Variants in SMPD3 observed in about 807,000 individuals in gnomAD.
The protein encoded by SMPD3 is nSMase-2.
Under a neutral mutation model 55.7 loss-of-function variants are expected in SMPD3, and 21 were observed. The observed-to-expected ratio is 0.38, with a 90% CI of 0.27 to 0.54. SMPD3 has a LOEUF of 0.54. Ranked by LOEUF, SMPD3 falls within the 20% of genes least tolerant of loss-of-function variation. SMPD3 has a pLI of 0.80. For missense variants in SMPD3, 842 were observed against 899.6 expected (o/e 0.94, Z 0.82); for synonymous variants, 457 against 404.3 (o/e 1.13, Z -1.56).
intron 1 of SMPD3, among the ~76,000 whole-genome samples, chr16:68,390,185 T>C (rs1429291917): frequency 6.6e-6 from 1 of 152,208 alleles, no homozygotes; most frequent in Non-Finnish European, 1.5e-5. Flanking sequence ...TGGGAGTGTC[T>C]TTTGGCATGC....
intron 1 of SMPD3, among the ~76,000 whole-genome samples, chr16:68,437,749 C>T (rs2090534520): frequency 1.3e-5 from 2 of 152,210 alleles, no homozygotes; most frequent in Admixed American, 6.5e-5. Context: ...ATCTGTGCCC[C>T]TCTCCTTTCC....
chr16:68,366,429 A>G (rs2089479873), intron 3 of SMPD3, among the ~76,000 whole-genome samples: 1 of 152,220 alleles, frequency 6.6e-6, no homozygotes, highest in South Asian at 2.1e-4. Flanking sequence ...TCAGCCCCAC[A>G]GGTTCACCAT....
At chr16:68,365,925 G>T (rs1447942556) in intron 3 of SMPD3, among the ~76,000 whole-genome samples, 5 of 152,226 alleles carry the variant, frequency 3.3e-5, no homozygotes, top group Non-Finnish European at 5.9e-5. Context: ...GCCCTTGTCA[G>T]TGCTCAGCCC....
rs1474955280 is a variant in SMPD3 at position 68,371,693 on chromosome 16, G to C, written c.489C>G (p.Ala163=). 3 of 1,578,162 alleles carry C rather than the reference G, an allele frequency of 1.9e-6. No homozygotes were observed. The highest frequency in any genetic ancestry group is 2.6e-6 in the Non-Finnish European group (3 of 1,161,786). The change falls in exon 3 of 9, where the codon GCC becomes GCG. Residue 163 remains alanine, a synonymous_variant. Coordinates refer to ENST00000219334, the MANE Select transcript of SMPD3 (RefSeq NM_018667.4). ...EIGQRIRNGA[A]RPQIKIYIDS... ...CGATGTAAATTTTGATCTGGGGCCGGGCGGCCCCATTGCGGATTCTCTGCC... is the reference window on the plus strand; with the variant it reads ...CGATGTAAATTTTGATCTGGGGCCGCGCGGCCCCATTGCGGATTCTCTGCC...
intron 1 of SMPD3, among the ~76,000 whole-genome samples, chr16:68,423,411 G>T (rs1281925158): frequency 2.0e-5 from 3 of 152,134 alleles, no homozygotes; most frequent in Non-Finnish European, 2.9e-5. Context: ...GGTAGTTAGG[G>T]TGGGGATCCA....
intron 3 of SMPD3, among the ~76,000 whole-genome samples, chr16:68,370,627 C>T (rs1245051267): frequency 6.6e-6 from 1 of 152,198 alleles, no homozygotes; most frequent in African/African-American, 2.4e-5. Flanking sequence ...CCAGATCACC[C>T]AGATGGGTCT....
At chr16:68,392,427 T>C (rs1381673072) in intron 1 of SMPD3, among the ~76,000 whole-genome samples, 2 of 152,188 alleles carry the variant, frequency 1.3e-5, no homozygotes, top group Non-Finnish European at 2.9e-5. Flanking sequence ...GTGTATTAAA[T>C]GCATTTTCAA....
chr16:68,384,468 A>C (rs576465429), intron 2 of SMPD3, among the ~76,000 whole-genome samples: 1 of 152,312 alleles, frequency 6.6e-6, no homozygotes, highest in Admixed American at 6.5e-5. Context: ...CCAGCCCCTG[A>C]TAGATCTGAC....
intron 1 of SMPD3, among the ~76,000 whole-genome samples, chr16:68,443,586 G>A (rs1484400461): frequency 1.3e-5 from 2 of 152,038 alleles, no homozygotes; most frequent in African/African-American, 4.8e-5. Context: ...ATTTTCCACA[G>A]TGGAAAGAAA....
chr16:68,370,421 T>C (rs1336176504), intron 3 of SMPD3, among the ~76,000 whole-genome samples: 1 of 152,188 alleles, frequency 6.6e-6, no homozygotes, highest in African/African-American at 2.4e-5. Context: ...GGCTGGTCTC[T>C]CTGCCTCGTT....
chr16:68,370,995 C>T lies in SMPD3; in HGVS notation c.1187G>A (p.Gly396Asp), dbSNP rs764855869. 2 of 1,614,072 alleles carry T rather than the reference C, an allele frequency of 1.2e-6. No homozygotes were observed. The highest frequency in any genetic ancestry group is 2.2e-5 in the South Asian group (2 of 91,084). ...GTTGAGACACTTGAAGCTGCAGCAG[C>T]CCTGGCAGCCGTAGACCCCGACGTC... Reference protein sequence around the residue: ...LYDVGVYGCQGCCSFKCLNSG... With the variant: ...LYDVGVYGCQDCCSFKCLNSG... The change falls in exon 3 of 9, where the codon GGC becomes GAC. Residue 396 changes from glycine to aspartate, a missense_variant. This residue lies in a region of SMPD3 where 649 missense variants were observed against 643.6 expected (regional missense o/e 1.01). Transcript: ENST00000219334.
intron 1 of SMPD3, among the ~76,000 whole-genome samples, chr16:68,388,057 T>G (rs193294403): frequency 6.6e-6 from 1 of 152,234 alleles, no homozygotes; most frequent in Admixed American, 6.5e-5. Flanking sequence ...TCTGTAACAT[T>G]AGGGGCCACT....
intron 1 of SMPD3, among the ~76,000 whole-genome samples, chr16:68,394,885 G>T (rs910540230): frequency 3.3e-5 from 5 of 152,184 alleles, no homozygotes; most frequent in Non-Finnish European, 7.3e-5. Flanking sequence ...TCCAATGGTG[G>T]CCTCAGGTGG....
chr16:68,374,010 A>G (rs2089743784), intron 2 of SMPD3, among the ~76,000 whole-genome samples: 1 of 152,168 alleles, frequency 6.6e-6, no homozygotes, highest in South Asian at 2.1e-4. Context: ...GGTGGCTCTC[A>G]TCCCCGCCAC....
intron 1 of SMPD3, among the ~76,000 whole-genome samples, chr16:68,395,384 G>A (rs780409373): frequency 1.8e-4 from 28 of 152,208 alleles, no homozygotes; most frequent in Non-Finnish European, 3.7e-4. Context: ...AGATTGATTG[G>A]TGTATGGGTG....
Position 68,372,079 on chromosome 16 carries a change from C to A in SMPD3, c.103G>T (p.Ala35Ser). ...FPCYWLVDRL[A>S]ASFIPTTYEK... ...TAGGTGGTGGGTATGAAGGAGGCAG[C>A]GAGCCGGTCCACCAGCCAGTAGCAT... The change falls in exon 3 of 9, where the codon GCT becomes TCT. Residue 35 changes from alanine (A) to serine (S), a missense_variant. Physicochemically the swap from Ala to Ser is moderately conservative, Grantham distance 99. Coordinates refer to ENST00000219334, the MANE Select transcript of SMPD3 (RefSeq NM_018667.4). 6.3e-7 allele frequency: 1 copy of A among 1,599,722 alleles called. No individual in the cohort carries two copies. The highest frequency in any genetic ancestry group is 8.5e-7 in the Non-Finnish European group (1 of 1,174,818).
rs200788350 is a variant in SMPD3 at position 68,371,525 on chromosome 16, G to T, written c.657C>A (p.His219Gln). Residue 219 changes from histidine (H) to glutamine (Q), a missense_variant, in exon 3 of 9, where the codon CAC becomes CAA. Coordinates refer to ENST00000219334, the MANE Select transcript of SMPD3 (RefSeq NM_018667.4). ...SVEYKGDGGR[H>Q]PGDEAANGPA... Reference sequence around the variant, plus strand: ...GGCCGTTGGCAGCCTCGTCACCGGGGTGCCGCCCACCGTCACCCTTGTACT... The same window carrying T: ...GGCCGTTGGCAGCCTCGTCACCGGGTTGCCGCCCACCGTCACCCTTGTACT... 1.3e-4 allele frequency: 210 copies of T among 1,600,650 alleles called. No homozygotes were observed. The highest frequency in any genetic ancestry group is 1.5e-4 in the Non-Finnish European group (182 of 1,179,484).
chr16:68,374,470 G>A (rs2089758017), intron 2 of SMPD3, among the ~76,000 whole-genome samples: 1 of 152,216 alleles, frequency 6.6e-6, no homozygotes, highest in Non-Finnish European at 1.5e-5. Context: ...GCAACCTGGA[G>A]CCATGGGAAA....
chr16:68,424,376 C>T (rs1055030787), intron 1 of SMPD3, among the ~76,000 whole-genome samples: 1 of 152,078 alleles, frequency 6.6e-6, no homozygotes, highest in Non-Finnish European at 1.5e-5. Context: ...TAAGCATCAG[C>T]AGAGACCCTT....
Sources: allele counts gnomAD v4.1 joint callset (sites outside exome capture counted in the v4.1 genomes callset), GRCh38; gene constraint gnomAD v4.1.1; regional missense constraint gnomAD v4.1.1; transcripts MANE v1.5; gene names NCBI Gene and HGNC (gene_info 2026-07-23, HGNC 2026-07-21).